Variants in SNAPC3 observed in about 807,000 individuals in gnomAD.
SNAPC3 encodes small nuclear RNA activating complex polypeptide 3.
A neutral mutation model predicts 47.7 loss-of-function variants in SNAPC3; 56 were observed. The ratio of observed to expected loss-of-function variants is 1.18; its 90% CI spans 0.95 to 1.47. SNAPC3 has a LOEUF of 1.47. SNAPC3 is among the 40% of genes most tolerant of loss of function. The pLI is 0.00. For missense variants in SNAPC3, 665 were observed against 511.3 expected (o/e 1.30, Z -2.90); for synonymous variants, 235 against 189.9 (o/e 1.24, Z -1.95).
At chr9:15,465,566 T>A (rs574687096), downstream of SNAPC3, 8 of 1,585,456 alleles carry the variant, frequency 5.0e-6, no homozygotes, top group Non-Finnish European at 6.9e-6. Flanking sequence ...AGTCTCTCTC[T>A]CTTCACTGGA....
rs753349834 is a variant in SNAPC3 at position 15,423,047 on chromosome 9, C to T, written c.168C>T (p.Arg56=). 1 of 1,513,916 alleles carries T rather than the reference C, an allele frequency of 6.6e-7. No individual in the cohort carries two copies. Among genetic ancestry groups the T allele is most frequent in the Non-Finnish European group, 8.8e-7 (1 of 1,138,170 alleles). The allele number at this position is 1,513,916 out of a possible 1,614,324, so 93.8% of individuals were successfully genotyped here. A position where few individuals can be genotyped will look rare whatever the true frequency, so the allele number is the denominator to read the frequency against. Reference sequence around the variant, plus strand: ...GGGAGCTGTGGCGGGGCCGTCTGCGCGGGGCCGGGGACTTGTCGCTGAGGG... The same window carrying T: ...GGGAGCTGTGGCGGGGCCGTCTGCGTGGGGCCGGGGACTTGTCGCTGAGGG... The part of the protein sequence containing the change: ...AFGELWRGRL[R]GAGDLSLREP... Residue 56 remains arginine, a synonymous_variant, in exon 1 of 9, where the codon CGC becomes CGT. Transcript: ENST00000380821.
chr9:15,429,561 A>ATAG (rs1390427075), intron 2 of SNAPC3, among the ~76,000 whole-genome samples: 2 of 152,214 alleles, frequency 1.3e-5, no homozygotes, highest in Non-Finnish European at 2.9e-5. Flanking sequence ...GACACACCAG[A>ATAG]TAGTAAAGTG....
chr9:15,423,646 T>C (rs553422915), intron 1 of SNAPC3, among the ~76,000 whole-genome samples: 1 of 152,232 alleles, frequency 6.6e-6, no homozygotes, highest in Non-Finnish European at 1.5e-5. Context: ...GAAATATTTC[T>C]TAAAAGTGCC....
intron 3 of SNAPC3, among the ~76,000 whole-genome samples, chr9:15,437,875 G>A (rs538939126): frequency 2.6e-5 from 4 of 152,242 alleles, no homozygotes; most frequent in Admixed American, 6.5e-5. Flanking sequence ...ATATGCTTCT[G>A]AATTTGCTTT....
chr9:15,462,516 A>C (rs568846029), downstream of SNAPC3: 27 of 152,354 alleles, frequency 1.8e-4, no homozygotes, highest in African/African-American at 6.0e-4. Context: ...AATCAAATGT[A>C]ACACGCCTGT....
At chr9:15,438,690 T>C (rs1357819899) in intron 3 of SNAPC3, among the ~76,000 whole-genome samples, 1 of 152,222 alleles carries the variant, frequency 6.6e-6, no homozygotes, top group Non-Finnish European at 1.5e-5. Flanking sequence ...ATTTTTCTCC[T>C]GTTATTGATT....
At chr9:15,453,959 C>T (rs1160677652) in intron 7 of SNAPC3, among the ~76,000 whole-genome samples, 2 of 152,134 alleles carry the variant, frequency 1.3e-5, no homozygotes, top group African/African-American at 2.4e-5. Context: ...CTGATGCCTG[C>T]CGGGTGCAGT....
rs1320453430 is a variant in SNAPC3 at position 15,423,084 on chromosome 9, T to G, written c.205T>G (p.Ser69Ala). The G allele has an allele frequency of 1.3e-6, 2 of 1,527,082 alleles. No individual in the cohort carries two copies. Among genetic ancestry groups the G allele is most frequent in the East Asian group, 2.5e-5 (1 of 39,680 alleles). 94.6% of individuals were successfully genotyped at this position (1,527,082 alleles called of 1,614,324 possible). A position where few individuals can be genotyped will look rare whatever the true frequency, so the allele number is the denominator to read the frequency against. The change falls in exon 1 of 9, where the codon TCC (serine) becomes GCC (alanine). Residue 69 changes from serine (S) to alanine (A), a missense_variant. Ser to Ala is a moderately conservative substitution (Grantham distance 99, BLOSUM62 1). Transcript: ENST00000380821. ...CTTGTCGCTGAGGGAGCCGCCGGCA[T>G]CCGCTCTGCCTGGGAGCCAGGCAGC... ...GDLSLREPPA[S>A]ALPGSQAADS...
intron 7 of SNAPC3, 38 bp from the exon 8 acceptor site, chr9:15,457,922 T>G (rs1294285584): frequency 8.1e-7 from 1 of 1,237,198 alleles, no homozygotes; most frequent in African/African-American, 1.5e-5. Flanking sequence ...CACTTAATAT[T>G]TGTCACCTTA....
intron 8 of SNAPC3, 95 bp downstream of exon 8, chr9:15,458,162 T>A: frequency 1.6e-6 from 1 of 644,350 alleles, no homozygotes; most frequent in African/African-American, 1.9e-5. Flanking sequence ...TATTTGTACT[T>A]TAGGTTATAA....
chr9:15,458,193 G>C, intron 8 of SNAPC3, 126 bp downstream of exon 8: 1 of 538,958 alleles, frequency 1.9e-6, no homozygotes, highest in Admixed American at 3.9e-5. Context: ...TCATCTAGTA[G>C]GGAAGTGCCA....
chr9:15,462,548 G>A (rs1057644), downstream of SNAPC3: 1 of 152,084 alleles, frequency 6.6e-6, no homozygotes, highest in Non-Finnish European at 1.5e-5. Flanking sequence ...TAACACATTA[G>A]CTAATGAAGA....
downstream of SNAPC3, chr9:15,465,353 C>A: frequency 1.7e-6 from 1 of 599,984 alleles, no homozygotes; most frequent in East Asian, 2.9e-5. Flanking sequence ...CACAAGTACA[C>A]TTAGCGATAA....
intron 2 of SNAPC3, among the ~76,000 whole-genome samples, chr9:15,424,767 C>G (rs1402838252): frequency 1.3e-5 from 2 of 152,214 alleles, no homozygotes; most frequent in Non-Finnish European, 2.9e-5. Context: ...TTATAGTCCA[C>G]TTATTTCATA....
intron 2 of SNAPC3, among the ~76,000 whole-genome samples, chr9:15,430,092 T>C (rs569151174): frequency 6.6e-6 from 1 of 152,344 alleles, no homozygotes; most frequent in South Asian, 2.1e-4. Context: ...AAATTGATTA[T>C]GTATTAGGTC....
chr9:15,423,499 C>G (rs995338412), intron 1 of SNAPC3, among the ~76,000 whole-genome samples: 37 of 152,262 alleles, frequency 2.4e-4, no homozygotes, highest in African/African-American at 7.9e-4. Context: ...GCAACAGCGA[C>G]GTGTACCTGC....
At chr9:15,456,508 C>A (rs368491256) in intron 7 of SNAPC3, among the ~76,000 whole-genome samples, 1 of 151,696 alleles carries the variant, frequency 6.6e-6, no homozygotes, top group East Asian at 1.9e-4. Flanking sequence ...CACTCTGTTG[C>A]TCAGGTTGGA....
chr9:15,435,964 C>G (rs1204100553), intron 3 of SNAPC3, among the ~76,000 whole-genome samples: 1 of 150,346 alleles, frequency 6.7e-6, no homozygotes, highest in African/African-American at 2.4e-5. Context: ...CTGCATCTGC[C>G]TCCCAAGTGG....
At chr9:15,465,719 A>G (rs905681256), downstream of SNAPC3, 20 of 627,302 alleles carry the variant, frequency 3.2e-5, no homozygotes, top group Admixed American at 6.6e-5. Flanking sequence ...TTGACTTGTT[A>G]TTAGAACAGT....
Sources: allele counts gnomAD v4.1 joint callset (sites outside exome capture counted in the v4.1 genomes callset), GRCh38; gene constraint gnomAD v4.1.1; transcripts MANE v1.5; gene names NCBI Gene and HGNC (gene_info 2026-07-23, HGNC 2026-07-21).